The following SNRNP70 variants were observed in gnomAD, a reference collection of about 807,000 sequenced individuals.
The protein encoded by SNRNP70 is small nuclear ribonucleoprotein U1 subunit 70.
In SNRNP70, 8 loss-of-function variants were observed where a neutral mutation model predicts 50.5. The observed-to-expected ratio is 0.16, with a 90% CI of 0.09 to 0.29. The LOEUF is 0.29. Among genes scored for constraint, SNRNP70 ranks in the 10% least tolerant of loss-of-function variants. The pLI is 1.00. For synonymous variants in SNRNP70, 320 were observed against 252.9 expected (o/e 1.27, Z -2.52); for missense variants, 529 against 663.5 (o/e 0.80, Z 2.23).
At position 49,107,987 on chromosome 19, in the gene SNRNP70, G is replaced by C; in HGVS notation, c.858G>C (p.Arg286=). ...RSRERSKDKD[R]DRKRRSSRSR... is the part of the protein sequence containing the mutation. ...GGGAGCGGAGCAAGGACAAGGACCG[G>C]GACCGGAAGCGGCGAAGCAGCCGGA... Residue 286 remains arginine, a synonymous_variant, in exon 10 of 10, where the codon CGG becomes CGC. Coordinates refer to ENST00000598441, the MANE Select transcript of SNRNP70 (RefSeq NM_003089.6). The surrounding 1 kb of genome is among the most constrained non-coding windows in gnomAD (Gnocchi z 6.0). 6.5e-7 allele frequency: 1 copy of C among 1,548,082 alleles called. No homozygotes were observed. The highest frequency in any genetic ancestry group is 8.7e-7 in the Non-Finnish European group (1 of 1,146,176).
chr19:49,102,790 G>A (rs1279817011), intron 7 of SNRNP70: 3 of 153,084 alleles, frequency 2.0e-5, no homozygotes, highest in Non-Finnish European at 4.4e-5. Context: ...GGTGTCGTAG[G>A]TTTTTACTAA....
At chr19:49,102,917 G>A (rs1817834578) in intron 7 of SNRNP70, 1 of 152,640 alleles carries the variant, frequency 6.6e-6, no homozygotes, top group Non-Finnish European at 1.5e-5. Flanking sequence ...TGGGGTTTGG[G>A]ACTCTGAACC....
chr19:49,095,859 A>G (rs1211766054), intron 4 of SNRNP70, among the ~76,000 whole-genome samples: 2 of 151,752 alleles, frequency 1.3e-5, no homozygotes, highest in African/African-American at 2.4e-5. Context: ...CGAAATCCCC[A>G]ACAACTATAG....
intron 4 of SNRNP70, among the ~76,000 whole-genome samples, chr19:49,097,467 G>A (rs1174824482): frequency 6.6e-6 from 1 of 152,056 alleles, no homozygotes; most frequent in Admixed American, 6.6e-5. Context: ...CCTACTGCTC[G>A]GGTCATCACC....
intron 6 of SNRNP70, among the ~76,000 whole-genome samples, chr19:49,099,529 G>A (rs944974137): frequency 2.0e-5 from 3 of 149,106 alleles, no homozygotes; most frequent in African/African-American, 2.5e-5. Context: ...TCAGGAGTTC[G>A]AGACCAGTCT....
At chr19:49,101,515 TTC>T (rs1246978613) in intron 7 of SNRNP70, 44 bp downstream of exon 7, 1 of 1,394,750 alleles carries the variant, frequency 7.2e-7, no homozygotes, top group South Asian at 1.2e-5. Context: ...CTGCTCTCAC[TTC>T]TCTGCTGCCC....
intron 7 of SNRNP70, 200 bp downstream of exon 7, chr19:49,101,671 C>G: frequency 3.5e-6 from 2 of 566,532 alleles, no homozygotes; most frequent in South Asian, 2.0e-5. Flanking sequence ...TCCCCCACAA[C>G]GTGTGTGTGT....
In SNRNP70 at chr19:49,107,520, C is replaced by T. The variant is rs2040688107; in HGVS notation, c.578-105C>T. The T allele has an allele frequency of 9.2e-7, 1 of 1,087,606 alleles. No homozygotes were observed. The highest frequency in any genetic ancestry group is 1.6e-5 in the African/African-American group (1 of 64,340). 67.4% of individuals were successfully genotyped at this position (1,087,606 alleles called of 1,614,324 possible). Reference sequence around the variant, plus strand: ...GGGACCCGGCCCTGTGAACACTAAGCCAGGGGCTGCCTTCCTGCCCTTTGC... The same window carrying T: ...GGGACCCGGCCCTGTGAACACTAAGTCAGGGGCTGCCTTCCTGCCCTTTGC... On this transcript the variant is annotated intron_variant, in intron 8 of 9. Transcript: ENST00000598441. The surrounding 1 kb of genome is among the most constrained non-coding windows in gnomAD (Gnocchi z 6.0).
chr19:49,101,851 T>C (rs2040592046), intron 7 of SNRNP70, among the ~76,000 whole-genome samples: 1 of 151,538 alleles, frequency 6.6e-6, no homozygotes, highest in Non-Finnish European at 1.5e-5. Flanking sequence ...AGGACTGGCC[T>C]TTGAACCTGC....
At chr19:49,099,953 TACACAC>T (rs3838925) in intron 6 of SNRNP70, among the ~76,000 whole-genome samples, 2 of 151,208 alleles carry the variant, frequency 1.3e-5, no homozygotes, top group African/African-American at 4.9e-5. Context: ...TATATATGTG[TACACAC>T]ACACACACAC....
rs182151995 is a variant in SNRNP70 at position 49,105,363 on chromosome 19, A to G, written c.577+628A>G. Among the ~76,000 whole-genome samples the G allele has an allele frequency of 3.8e-4, 58 of 152,214 alleles. No homozygotes were observed. In the East Asian group the frequency reaches 0.011, roughly 29 times the overall value. ...TAAAGGGCCCTGTTGATGTAGAATC[A>G]TGGGCATCCTTTGGAGTTCGGAGGT... is the stretch of plus-strand genomic sequence containing the variant. On this transcript the variant is annotated intron_variant, in intron 8 of 9. Coordinates refer to ENST00000598441, the MANE Select transcript of SNRNP70 (RefSeq NM_003089.6).
At position 49,101,591 on chromosome 19, in the gene SNRNP70, C is replaced by T. The variant is rs1489721513; in HGVS notation, c.475+120C>T. 16 of 690,606 alleles carry T rather than the reference C, an allele frequency of 2.3e-5. No individual in the cohort carries two copies. In the East Asian group the frequency reaches 4.4e-4, roughly 19 times the overall value. 42.8% of individuals were successfully genotyped at this position (690,606 alleles called of 1,614,324 possible). On this transcript the variant is annotated intron_variant, in intron 7 of 9. Coordinates refer to ENST00000598441, the MANE Select transcript of SNRNP70 (RefSeq NM_003089.6). The stretch of plus-strand genomic sequence containing the variant: ...ACCTGACATTAGCGATGTCTCTTCT[C>T]CTCCTCCCTCTGTTTCTGATGTATC...
intron 6 of SNRNP70, among the ~76,000 whole-genome samples, chr19:49,100,399 C>T (rs2122364159): frequency 6.6e-6 from 1 of 152,274 alleles, no homozygotes; most frequent in East Asian, 1.9e-4. Flanking sequence ...TCCACCCCAC[C>T]CCATCTCCTC....
chr19:49,099,160 T>C (rs2040549386), intron 6 of SNRNP70, among the ~76,000 whole-genome samples: 1 of 152,216 alleles, frequency 6.6e-6, no homozygotes, highest in Non-Finnish European at 1.5e-5. Context: ...TGTGTCTGAT[T>C]TCCTTTATCT....
At chr19:49,087,232 T>C (rs1414468946) in intron 2 of SNRNP70, among the ~76,000 whole-genome samples, 1 of 152,014 alleles carries the variant, frequency 6.6e-6, no homozygotes, top group African/African-American at 2.4e-5. Flanking sequence ...GTAGAATTTT[T>C]GTGAAAATTC....
intron 4 of SNRNP70, among the ~76,000 whole-genome samples, chr19:49,095,165 C>G (rs1382794360): frequency 6.6e-6 from 1 of 152,154 alleles, no homozygotes; most frequent in African/African-American, 2.4e-5. Context: ...CATTTGTGGC[C>G]CCCCCACCCC....
At chr19:49,085,675 G>A (rs1369447671) in intron 1 of SNRNP70, 39 bp downstream of exon 1, 1 of 455,216 alleles carries the variant, frequency 2.2e-6, no homozygotes, top group East Asian at 7.0e-5. Flanking sequence ...GGGGTGCGGG[G>A]CCGCTACCCA....
intron 2 of SNRNP70, among the ~76,000 whole-genome samples, chr19:49,088,212 T>C (rs1242160237): frequency 6.8e-6 from 1 of 147,850 alleles, no homozygotes; most frequent in East Asian, 2.0e-4. Context: ...TTTTTTTTTT[T>C]TTTTTTTTGA....
Position 49,085,475 on chromosome 19 carries a change from T to C in SNRNP70, c.-172T>C. On this transcript the variant is annotated 5_prime_UTR_variant, in exon 1 of 10. Transcript: ENST00000598441. ...CAGTCGCTATCGGAGGCCGCGCGGG[T>C]GGCTGAGCAGCGGCCTGGTGCGCTC... The C allele has an allele frequency of 2.3e-6, 1 of 439,246 alleles. No homozygotes were observed. Among genetic ancestry groups the C allele is most frequent in the Non-Finnish European group, 4.6e-6 (1 of 216,188 alleles). 27.2% of individuals were successfully genotyped at this position (439,246 alleles called of 1,614,324 possible).
Sources: gnomAD v4.1 joint callset for allele counts (sites outside exome capture counted in the v4.1 genomes callset) on GRCh38, gnomAD v4.1.1 for gene constraint, Gnocchi (gnomAD v3.1) non-coding constraint, MANE v1.5 for transcripts, NCBI Gene and HGNC (gene_info 2026-07-23, HGNC 2026-07-21) for gene names.